Variants in KCTD16 observed in about 807,000 individuals in gnomAD.
The protein encoded by KCTD16 is potassium channel tetramerization domain containing 16.
In KCTD16, 13 loss-of-function variants were observed where a neutral mutation model predicts 33.2. The ratio of observed to expected loss-of-function variants is 0.39; its 90% CI spans 0.25 to 0.62. The LOEUF is 0.62. KCTD16 is among the 20% of genes least tolerant of loss of function. The pLI is 0.50. For synonymous variants in KCTD16, 197 were observed against 195.3 expected, an observed-to-expected ratio of 1.01 and a Z score of -0.07; for missense variants, 441 against 525.1, an observed-to-expected ratio of 0.84 and a Z score of 1.57.
chr5:144,374,426 G>T (rs1752040314), intron 3 of KCTD16, among the ~76,000 whole-genome samples: 1 of 152,136 alleles, frequency 6.6e-6, no homozygotes, highest in Admixed American at 6.6e-5. Flanking sequence ...AGTGAGGTTG[G>T]ATAGCAAGGT....
At chr5:144,294,322 T>C (rs1457495088) in intron 3 of KCTD16, among the ~76,000 whole-genome samples, 2 of 152,246 alleles carry the variant, frequency 1.3e-5, no homozygotes, top group Non-Finnish European at 2.9e-5. Context: ...ATTGACTTAC[T>C]TTCAGTTGAT....
chr5:144,201,795 C>A (rs1281072876), intron 2 of KCTD16, among the ~76,000 whole-genome samples: 1 of 152,158 alleles, frequency 6.6e-6, no homozygotes, highest in Non-Finnish European at 1.5e-5. Context: ...ATGCAGGAAT[C>A]CTTGGGAGCA....
rs552300942 is a variant in KCTD16 at position 144,204,880 on chromosome 5, TA to T, written c.-326-1501del. Among the ~76,000 whole-genome samples the T allele has an allele frequency of 4.0e-3, 599 of 151,610 alleles. 5 individuals are homozygous for T. The highest frequency in any genetic ancestry group is 0.013 in the African/African-American group (541 of 41,288). On this transcript the variant is annotated intron_variant, in intron 2 of 3. Transcript: ENST00000512467. ...GTGAATATGGTTTAAATCAAAGGAT[TA>T]AAAAAAACACTGTGTAGTTTGAACA...
chr5:144,436,590 CT>C (rs112607433), intron 3 of KCTD16, among the ~76,000 whole-genome samples: 348 of 142,128 alleles, frequency 2.4e-3, no homozygotes, highest in Middle Eastern at 3.8e-3. Flanking sequence ...TGTTTAACTT[CT>C]TTTTTTTTTT....
chr5:144,419,895 G>A (rs1270341042), intron 3 of KCTD16, among the ~76,000 whole-genome samples: 1 of 152,056 alleles, frequency 6.6e-6, no homozygotes, highest in African/African-American at 2.4e-5. Context: ...ACTAGCAAAC[G>A]TAGATCAAAG....
intron 3 of KCTD16, among the ~76,000 whole-genome samples, chr5:144,274,297 A>T (rs1190318261): frequency 6.6e-6 from 1 of 151,904 alleles, no homozygotes; most frequent in Admixed American, 6.6e-5. Flanking sequence ...GGTCTCTCTA[A>T]ACTTAAGTGT....
chr5:144,250,881 G>C (rs987141371), intron 3 of KCTD16, among the ~76,000 whole-genome samples: 2 of 151,894 alleles, frequency 1.3e-5, no homozygotes, highest in Non-Finnish European at 2.9e-5. Flanking sequence ...TTATGTAAGT[G>C]GATTAACACA....
At chr5:144,395,670 C>A (rs915342083) in intron 3 of KCTD16, among the ~76,000 whole-genome samples, 4 of 152,194 alleles carry the variant, frequency 2.6e-5, no homozygotes, top group African/African-American at 9.6e-5. Context: ...TATTAGAGTT[C>A]TATTGTCCTC....
chr5:144,341,302 G>C (rs754105346), intron 3 of KCTD16, among the ~76,000 whole-genome samples: 18 of 152,138 alleles, frequency 1.2e-4, no homozygotes, highest in Non-Finnish European at 2.2e-4. Context: ...GTGGTAGAAG[G>C]ATAACAGGAT....
At chr5:144,271,224 G>C (rs191257621) in intron 3 of KCTD16, among the ~76,000 whole-genome samples, 2 of 151,960 alleles carry the variant, frequency 1.3e-5, no homozygotes, top group Non-Finnish European at 2.9e-5. Context: ...AAGAAGTATA[G>C]ACTAATATCC....
chr5:144,275,144 A>C (rs138373109), intron 3 of KCTD16, among the ~76,000 whole-genome samples: 158 of 152,246 alleles, frequency 1.0e-3, no homozygotes, highest in African/African-American at 3.5e-3. Flanking sequence ...GGAGAAACAT[A>C]ATACACCTCC....
At chr5:144,450,902 T>C (rs1181554470) in intron 3 of KCTD16, among the ~76,000 whole-genome samples, 1 of 152,090 alleles carries the variant, frequency 6.6e-6, no homozygotes, top group African/African-American at 2.4e-5. Flanking sequence ...ATTACCAATA[T>C]GGTATTGTAC....
intron 3 of KCTD16, among the ~76,000 whole-genome samples, chr5:144,258,068 G>A (rs1258137214): frequency 2.6e-5 from 4 of 152,062 alleles, no homozygotes; most frequent in South Asian, 2.1e-4. Context: ...ATTGTTGTAT[G>A]CATCAATAGA....
intron 3 of KCTD16, among the ~76,000 whole-genome samples, chr5:144,447,059 A>C (rs1753835329): frequency 6.6e-6 from 1 of 152,208 alleles, no homozygotes. Flanking sequence ...ATTACTGAGT[A>C]TATACCCAAA....
intron 3 of KCTD16, among the ~76,000 whole-genome samples, chr5:144,433,005 TA>T (rs925926056): frequency 6.6e-6 from 1 of 152,108 alleles, no homozygotes. Context: ...GTGGAGAGAT[TA>T]AATGATTTAT....
chr5:144,360,524 C>G (rs244520), intron 3 of KCTD16, among the ~76,000 whole-genome samples: 1 of 151,668 alleles, frequency 6.6e-6, no homozygotes, highest in African/African-American at 2.4e-5. Context: ...CTCTGCCTCC[C>G]GGGTTCAAGC....
At chr5:144,296,541 A>G (rs1756042116) in intron 3 of KCTD16, among the ~76,000 whole-genome samples, 1 of 152,220 alleles carries the variant, frequency 6.6e-6, no homozygotes, top group South Asian at 2.1e-4. Context: ...ATCAAATCTT[A>G]AAACTGTGTC....
At chr5:144,210,246 T>A (rs1753340703) in intron 3 of KCTD16, among the ~76,000 whole-genome samples, 1 of 152,128 alleles carries the variant, frequency 6.6e-6, no homozygotes, top group Admixed American at 6.6e-5. Flanking sequence ...TTTCAGTGTG[T>A]GTTTTGTTAG....
At chr5:144,173,945 C>T (rs1580765751) in intron 1 of KCTD16, among the ~76,000 whole-genome samples, 1 of 148,412 alleles carries the variant, frequency 6.7e-6, no homozygotes, top group South Asian at 2.1e-4. Context: ...CTGGGATAGG[C>T]TCCAGAAAGT....
Sources: allele counts gnomAD v4.1 joint callset (sites outside exome capture counted in the v4.1 genomes callset), GRCh38; gene constraint gnomAD v4.1.1; transcripts MANE v1.5; gene names NCBI Gene and HGNC (gene_info 2026-07-23, HGNC 2026-07-21).